Variants in GTF2F2 observed in about 807,000 individuals in gnomAD.
GTF2F2 encodes the protein ATP-dependent helicase GTF2F2.
Under a neutral mutation model 42.2 loss-of-function variants are expected in GTF2F2, and 23 were observed. That is an observed-to-expected ratio of 0.55 (90% CI 0.39 to 0.77). The LOEUF is 0.77. GTF2F2 is among the 30% of genes least tolerant of loss of function. The pLI is 0.00. For missense variants in GTF2F2, 261 were observed against 287.2 expected, an observed-to-expected ratio of 0.91 and a Z score of 0.66; for synonymous variants, 105 against 100.8, an observed-to-expected ratio of 1.04 and a Z score of -0.25.
chr13:45,199,392 A>G lies in GTF2F2; in HGVS notation c.305-8032A>G, dbSNP rs1202657717. ...TTCTTTGATTTTCACTACAGAGGCAATCTTGACAATTTATAAGTCATATTA... is the reference window on the plus strand; with the variant it reads ...TTCTTTGATTTTCACTACAGAGGCAGTCTTGACAATTTATAAGTCATATTA... On this transcript the variant is annotated intron_variant, in intron 4 of 7. Transcript: ENST00000340473. Among the ~76,000 whole-genome samples the G allele has an allele frequency of 8.5e-5, 13 of 152,246 alleles. No homozygotes were observed. In the East Asian group the frequency reaches 2.5e-3, roughly 29 times the overall value.
chr13:45,256,186 G>GTA (rs1179390708), intron 6 of GTF2F2, among the ~76,000 whole-genome samples: 1 of 152,054 alleles, frequency 6.6e-6, no homozygotes, highest in Non-Finnish European at 1.5e-5. Context: ...CAGTGAGCAC[G>GTA]TATTGCCTGA....
At chr13:45,277,956 A>G (rs1435727808) in intron 7 of GTF2F2, among the ~76,000 whole-genome samples, 1 of 152,228 alleles carries the variant, frequency 6.6e-6, no homozygotes, top group Non-Finnish European at 1.5e-5. Flanking sequence ...TACTTAAAGC[A>G]TTAGTAGTTG....
At chr13:45,193,950 A>T in intron 4 of GTF2F2, 1 of 1,614,152 alleles carries the variant, frequency 6.2e-7, no homozygotes, top group Non-Finnish European at 8.5e-7. Context: ...GTACAAGTCG[A>T]GTGCCATTTT....
intron 5 of GTF2F2, among the ~76,000 whole-genome samples, chr13:45,240,477 T>C (rs779899558): frequency 2.6e-5 from 4 of 152,160 alleles, no homozygotes; most frequent in Admixed American, 6.5e-5. Context: ...TATGGGAGAA[T>C]TGCTCATTTT....
At position 45,269,553 on chromosome 13, in the gene GTF2F2, CTG is replaced by C. The variant is rs562099448; in HGVS notation, c.630+2179_630+2180del. On this transcript the variant is annotated intron_variant, in intron 7 of 7. Coordinates refer to ENST00000340473, the MANE Select transcript of GTF2F2 (RefSeq NM_004128.3). Reference sequence around the variant, plus strand: ...AAAGGATTCGAGGACATAAGTGAATCTGTACTAATGGTCATCAGTACCCAAGA... The same window carrying C: ...AAAGGATTCGAGGACATAAGTGAATCTACTAATGGTCATCAGTACCCAAGA... 2.0e-5 allele frequency among the ~76,000 whole-genome samples: 3 copies of C among 152,282 alleles called. No individual in the cohort carries two copies. The South Asian group carries it at 6.2e-4, about 32-fold the overall frequency.
At chr13:45,223,291 A>G (rs1018210106) in intron 5 of GTF2F2, among the ~76,000 whole-genome samples, 2 of 143,924 alleles carry the variant, frequency 1.4e-5, no homozygotes, top group South Asian at 2.2e-4. Flanking sequence ...AAAAAAGTTG[A>G]TTTTTATAAT....
chr13:45,246,348 G>A (rs2138240452), intron 5 of GTF2F2, among the ~76,000 whole-genome samples: 1 of 152,178 alleles, frequency 6.6e-6, no homozygotes. Context: ...ATTCTTGGAG[G>A]AGTAAGGTGG....
intron 4 of GTF2F2, chr13:45,194,834 C>T (rs112988923): frequency 6.6e-6 from 3 of 453,140 alleles, no homozygotes; most frequent in African/African-American, 2.0e-5. Flanking sequence ...TCATGTCTAT[C>T]CTTTGAAGTA....
chr13:45,212,463 C>CTTTTCTTTCTTTTCTTTTCT (rs376424917), intron 5 of GTF2F2, among the ~76,000 whole-genome samples: 1 of 27,484 alleles, frequency 3.6e-5, no homozygotes, highest in Non-Finnish European at 7.6e-5. Flanking sequence ...TTCTTTCTTT[C>CTTTTCTTTCTTTTCTTTTCT]TTTCTTTCTT....
chr13:45,144,744 C>T (rs542443838), intron 2 of GTF2F2, among the ~76,000 whole-genome samples: 1 of 152,216 alleles, frequency 6.6e-6, no homozygotes, highest in South Asian at 2.1e-4. Context: ...GTTTAACATT[C>T]TGGGTCATGT....
chr13:45,179,545 T>A (rs902766407), intron 4 of GTF2F2, among the ~76,000 whole-genome samples: 1 of 152,210 alleles, frequency 6.6e-6, no homozygotes, highest in Non-Finnish European at 1.5e-5. Flanking sequence ...TTTGGGATTT[T>A]AATTTTTTGT....
At chr13:45,190,913 G>A (rs1480198298) in intron 4 of GTF2F2, among the ~76,000 whole-genome samples, 4 of 147,920 alleles carry the variant, frequency 2.7e-5, no homozygotes, top group African/African-American at 1.0e-4. Context: ...ACCACGTGTG[G>A]CAAATTGAAA....
intron 4 of GTF2F2, among the ~76,000 whole-genome samples, chr13:45,173,536 A>C (rs925693357): frequency 5.6e-5 from 8 of 143,704 alleles, no homozygotes; most frequent in African/African-American, 1.8e-4. Flanking sequence ...AACCACCCCC[A>C]CTTCCCACCT....
At chr13:45,237,707 T>C (rs1268337998) in intron 5 of GTF2F2, among the ~76,000 whole-genome samples, 1 of 152,238 alleles carries the variant, frequency 6.6e-6, no homozygotes, top group African/African-American at 2.4e-5. Flanking sequence ...CCATGGTACA[T>C]TCTTTTACTC....
At chr13:45,134,980 GTCTC>G (rs1438552923) in intron 1 of GTF2F2, among the ~76,000 whole-genome samples, 9 of 150,398 alleles carry the variant, frequency 6.0e-5, no homozygotes. Flanking sequence ...TGACACAAGA[GTCTC>G]TCTCTGTCAC....
intron 7 of GTF2F2, among the ~76,000 whole-genome samples, chr13:45,281,544 G>A (rs777570899): frequency 6.6e-6 from 1 of 152,174 alleles, no homozygotes; most frequent in Non-Finnish European, 1.5e-5. Context: ...CAGATGTGGT[G>A]GAACTTTAGT....
At chr13:45,181,567 A>G (rs1216660499) in intron 4 of GTF2F2, among the ~76,000 whole-genome samples, 2 of 152,210 alleles carry the variant, frequency 1.3e-5, no homozygotes, top group African/African-American at 4.8e-5. Flanking sequence ...ATAAAGCTGT[A>G]TAATACAAAA....
chr13:45,123,791 ATT>A (rs201828514), intron 1 of GTF2F2, among the ~76,000 whole-genome samples: 63 of 135,924 alleles, frequency 4.6e-4, no homozygotes, highest in East Asian at 6.3e-4. Flanking sequence ...GGAATTTTGA[ATT>A]TTTTTTTTTT....
At chr13:45,168,379 T>C (rs764732494) in intron 4 of GTF2F2, among the ~76,000 whole-genome samples, 23 of 152,348 alleles carry the variant, frequency 1.5e-4, no homozygotes, top group Admixed American at 2.6e-4. Context: ...TGCCAGGATT[T>C]TAACACTCAC....
Sources: gnomAD v4.1 joint callset for allele counts (sites outside exome capture counted in the v4.1 genomes callset) on GRCh38, gnomAD v4.1.1 for gene constraint, MANE v1.5 for transcripts, NCBI Gene and HGNC (gene_info 2026-07-23, HGNC 2026-07-21) for gene names.